The following RASSF3 variants were observed in gnomAD, a reference collection of about 807,000 sequenced individuals.
RASSF3 encodes Ras association domain family member 3, also known as ras association domain-containing protein 3.
RASSF3 carries 19 observed loss-of-function variants against 19.9 expected under a neutral mutation model. The observed-to-expected ratio is 0.96, with a 90% CI of 0.67 to 1.40. RASSF3 has a LOEUF of 1.40. Ranked by LOEUF, RASSF3 falls within the 40% of genes most tolerant of loss-of-function variation. The pLI is 0.00. For synonymous variants in RASSF3, 110 were observed against 104.2 expected (o/e 1.06, Z -0.34); for missense variants, 306 against 289.8 (o/e 1.06, Z -0.41).
At chr12:64,674,302 G>A (rs1012346108) in intron 1 of RASSF3, among the ~76,000 whole-genome samples, 6 of 152,202 alleles carry the variant, frequency 3.9e-5, no homozygotes, top group African/African-American at 1.4e-4. Context: ...AGGGTGGATT[G>A]CAAATGCAGT....
intron 2 of RASSF3, among the ~76,000 whole-genome samples, chr12:64,571,074 C>G (rs374948161): frequency 6.6e-6 from 1 of 151,856 alleles, no homozygotes; most frequent in African/African-American, 2.4e-5. Flanking sequence ...AAAAATCAGC[C>G]GGGTGTGGTC....
At chr12:64,686,793 C>T (rs928623838) in intron 2 of RASSF3, among the ~76,000 whole-genome samples, 1 of 152,176 alleles carries the variant, frequency 6.6e-6, no homozygotes, top group Admixed American at 6.5e-5. Context: ...TGCCACTGCA[C>T]TCCAGCCTGG....
intron 1 of RASSF3, among the ~76,000 whole-genome samples, chr12:64,636,910 A>G (rs1399836746): frequency 6.6e-6 from 1 of 151,402 alleles, no homozygotes; most frequent in African/African-American, 2.4e-5. Flanking sequence ...CCTTACTGGC[A>G]CACTGGGATT....
At chr12:64,694,234 G>C (rs1376419398) in intron 4 of RASSF3, among the ~76,000 whole-genome samples, 2 of 152,148 alleles carry the variant, frequency 1.3e-5, no homozygotes, top group African/African-American at 4.8e-5. Flanking sequence ...GGGAACAGAT[G>C]GGGGAGCATA....
chr12:64,525,283 TA>T (rs111807802), intron 1 of RASSF3, among the ~76,000 whole-genome samples: 4,718 of 151,960 alleles, frequency 0.031, 234 homozygotes, highest in African/African-American at 0.11. Context: ...TCAAGAAAAA[TA>T]AAAAAAGAAA....
intron 1 of RASSF3, among the ~76,000 whole-genome samples, chr12:64,682,952 A>G (rs1873194679): frequency 6.6e-6 from 1 of 152,088 alleles, no homozygotes; most frequent in Admixed American, 6.6e-5. Flanking sequence ...ACCTTTGGGG[A>G]CTGATTGGAT....
intron 2 of RASSF3, among the ~76,000 whole-genome samples, chr12:64,568,961 C>T (rs111814257): frequency 2.7e-3 from 404 of 152,232 alleles, no homozygotes; most frequent in Non-Finnish European, 4.6e-3. Context: ...CCACCTGCCT[C>T]GGCCTCCCAA....
intron 1 of RASSF3, among the ~76,000 whole-genome samples, chr12:64,535,410 G>T (rs1454974762): frequency 6.6e-6 from 1 of 152,112 alleles, no homozygotes; most frequent in Non-Finnish European, 1.5e-5. Context: ...TGTTGCCCAG[G>T]CTGGAGTGCA....
At chr12:64,652,812 A>G (rs1391173443) in intron 1 of RASSF3, among the ~76,000 whole-genome samples, 1 of 152,172 alleles carries the variant, frequency 6.6e-6, no homozygotes, top group African/African-American at 2.4e-5. Flanking sequence ...TTTGCAGTAT[A>G]ATTCTATTTA....
intron 1 of RASSF3, among the ~76,000 whole-genome samples, chr12:64,668,846 T>C (rs547733502): frequency 3.1e-4 from 47 of 151,604 alleles, no homozygotes; most frequent in African/African-American, 1.1e-3. Flanking sequence ...CGCACCCAGC[T>C]AATTTTTTGT....
intron 1 of RASSF3, among the ~76,000 whole-genome samples, chr12:64,518,313 AAG>A (rs1868402789): frequency 6.6e-6 from 1 of 152,188 alleles, no homozygotes; most frequent in South Asian, 2.1e-4. Flanking sequence ...TTAAAGAAAA[AAG>A]AGCTATATTG....
chr12:64,551,032 T>A (rs991027324), intron 2 of RASSF3, among the ~76,000 whole-genome samples: 2 of 152,038 alleles, frequency 1.3e-5, no homozygotes, highest in African/African-American at 4.8e-5. Context: ...GGCTGTTTGA[T>A]CTTGGTTTCA....
intron 1 of RASSF3, among the ~76,000 whole-genome samples, chr12:64,612,403 A>T (rs1242572167): frequency 6.6e-6 from 1 of 151,618 alleles, no homozygotes; most frequent in Non-Finnish European, 1.5e-5. Flanking sequence ...TCAGGTTTGA[A>T]TTGTATGAGA....
intron 2 of RASSF3, among the ~76,000 whole-genome samples, chr12:64,589,643 G>A (rs1869882240): frequency 6.6e-6 from 1 of 151,886 alleles, no homozygotes; most frequent in Admixed American, 6.6e-5. Flanking sequence ...GTTTGGCCAA[G>A]TGCAGTGGCT....
chr12:64,642,579 AAAAAAAAAAG>A (rs1871578635), intron 1 of RASSF3, among the ~76,000 whole-genome samples: 1 of 148,390 alleles, frequency 6.7e-6, no homozygotes, highest in African/African-American at 2.5e-5. Flanking sequence ...AAAAAAAAAA[AAAAAAAAAAG>A]ATTCATCAAA....
chr12:64,544,186 C>T (rs561704994), downstream of RASSF3, among the ~76,000 whole-genome samples: 265 of 152,184 alleles, frequency 1.7e-3, no homozygotes, highest in African/African-American at 6.0e-3. Context: ...CCGTGAAACG[C>T]TCATCGCGAA....
intron 1 of RASSF3, among the ~76,000 whole-genome samples, chr12:64,624,889 G>A (rs1277893310): frequency 6.7e-6 from 1 of 150,140 alleles, no homozygotes; most frequent in Admixed American, 6.6e-5. Flanking sequence ...GGATGGTCTC[G>A]ATCTCCTGAC....
In RASSF3 at chr12:64,574,013, A is replaced by C. The variant is rs1353886900; in HGVS notation, c.294+32308A>C. ...TATGATCACCTCAATAGATTAAAAA[A>C]ATATTTGGGCCAGGCACAGTGGCTT... On this transcript the variant is annotated intron_variant, in intron 2 of 5. Transcript: ENST00000637125. Among the ~76,000 whole-genome samples, 64 of 152,134 alleles carry C rather than the reference A, an allele frequency of 4.2e-4. 1 individual carries two copies. Among genetic ancestry groups the C allele is most frequent in the Admixed American group, 4.1e-3 (63 of 15,254 alleles).
chr12:64,610,473 G>C, upstream of RASSF3: 1 of 251,548 alleles, frequency 4.0e-6, no homozygotes, highest in Non-Finnish European at 7.4e-6. Context: ...CGGGGAGGCG[G>C]CAGGAGGGGC....
Sources: gnomAD v4.1 joint callset for allele counts (sites outside exome capture counted in the v4.1 genomes callset) on GRCh38, gnomAD v4.1.1 for gene constraint, MANE v1.5 for transcripts, NCBI Gene and HGNC (gene_info 2026-07-23, HGNC 2026-07-21) for gene names.